The following SLC4A7 variants were observed in gnomAD, a reference collection of about 807,000 sequenced individuals.
SLC4A7 encodes sodium bicarbonate cotransporter 3.
A neutral mutation model predicts 137.6 loss-of-function variants in SLC4A7; 51 were observed. The observed-to-expected ratio is 0.37, with a 90% confidence interval of 0.30 to 0.47. The LOEUF (loss-of-function observed/expected upper bound fraction) is 0.47, where lower values mean the gene tolerates loss of function less well. SLC4A7 is among the 20% of genes least tolerant of loss of function. SLC4A7 has a pLI of 1.00. For missense variants in SLC4A7, 1,247 were observed against 1,525.4 expected (o/e 0.82, Z 3.04); for synonymous variants, 542 against 518.6 (o/e 1.05, Z -0.61).
chr3:27,445,659 T>C (rs1421599155), intron 3 of SLC4A7, among the ~76,000 whole-genome samples: 1 of 150,780 alleles, frequency 6.6e-6, no homozygotes, highest in Admixed American at 6.7e-5. Flanking sequence ...GGCTCACACC[T>C]GTAATCCCAG....
At chr3:27,402,845 G>A (rs1458499914) in intron 15 of SLC4A7, among the ~76,000 whole-genome samples, 1 of 145,970 alleles carries the variant, frequency 6.9e-6, no homozygotes, top group East Asian at 1.9e-4. Flanking sequence ...ATATATAGTG[G>A]ATCAGTTGCC....
intron 3 of SLC4A7, among the ~76,000 whole-genome samples, chr3:27,443,360 GT>G (rs1362558599): frequency 3.9e-5 from 6 of 152,038 alleles, no homozygotes; most frequent in African/African-American, 1.4e-4. Context: ...TCTGCGGGAT[GT>G]GTATCGAAAT....
At position 27,389,911 on chromosome 3, in the gene SLC4A7, T is replaced by C. The variant is rs1411220257; in HGVS notation, c.3360+20A>G. 6.3e-7 allele frequency: 1 copy of C among 1,590,718 alleles called. No homozygotes were observed. Among genetic ancestry groups the C allele is most frequent in the Non-Finnish European group, 8.6e-7 (1 of 1,161,768 alleles). ...AACATATTATTAATTAGTGACAAAA[T>C]AAGTCTGAAGAAATCTTACCATCAT... On this transcript the variant is annotated intron_variant, in intron 22 of 25. Transcript: ENST00000454389.
chr3:27,380,764 A>G (rs1443921628), intron 24 of SLC4A7, among the ~76,000 whole-genome samples: 2 of 152,226 alleles, frequency 1.3e-5, no homozygotes, highest in South Asian at 2.1e-4. Flanking sequence ...GATTTTTAAA[A>G]GTACACAAAA....
intron 3 of SLC4A7, among the ~76,000 whole-genome samples, chr3:27,438,603 C>T (rs367585095): frequency 7.1e-6 from 1 of 140,700 alleles, no homozygotes; most frequent in African/African-American, 2.6e-5. Context: ...AATAACATAA[C>T]ATAAAATAAA....
chr3:27,422,095 A>G (rs2055038538), intron 8 of SLC4A7, among the ~76,000 whole-genome samples: 2 of 152,224 alleles, frequency 1.3e-5, no homozygotes, highest in Non-Finnish European at 2.9e-5. Context: ...TTCACAAACT[A>G]ACAATGGTTC....
intron 1 of SLC4A7, among the ~76,000 whole-genome samples, chr3:27,472,165 A>G (rs2059274060): frequency 6.6e-6 from 1 of 152,234 alleles, no homozygotes; most frequent in South Asian, 2.1e-4. Context: ...GTCAATACTC[A>G]TTTATTGACC....
chr3:27,441,648 C>T (rs568432773), intron 3 of SLC4A7, among the ~76,000 whole-genome samples: 2 of 151,958 alleles, frequency 1.3e-5, no homozygotes, highest in African/African-American at 4.8e-5. Context: ...ATTGCCATAC[C>T]CAGGTAATTT....
chr3:27,415,759 C>T (rs1230790053), intron 11 of SLC4A7, among the ~76,000 whole-genome samples: 1 of 152,168 alleles, frequency 6.6e-6, no homozygotes, highest in Admixed American at 6.5e-5. Flanking sequence ...ACTGCTTTTT[C>T]TTGGTCGTAT....
intron 11 of SLC4A7, 66 bp from the exon 12 acceptor site, chr3:27,411,814 A>T (rs2053928284): frequency 1.6e-6 from 1 of 643,896 alleles, no homozygotes; most frequent in African/African-American, 1.9e-5. Flanking sequence ...GGCATCTTCA[A>T]TTAGAGTGAA....
At chr3:27,464,815 G>T (rs1265259723) in intron 1 of SLC4A7, among the ~76,000 whole-genome samples, 4 of 152,132 alleles carry the variant, frequency 2.6e-5, no homozygotes, top group Non-Finnish European at 5.9e-5. Flanking sequence ...GTGGAACCGC[G>T]AAAAGTTCGC....
At chr3:27,443,954 C>G (rs1472866507) in intron 3 of SLC4A7, among the ~76,000 whole-genome samples, 1 of 152,192 alleles carries the variant, frequency 6.6e-6, no homozygotes, top group African/African-American at 2.4e-5. Flanking sequence ...AACATACTTT[C>G]ACTTCTTTTA....
intron 22 of SLC4A7, among the ~76,000 whole-genome samples, chr3:27,389,424 C>T (rs1047281480): frequency 6.6e-6 from 1 of 151,934 alleles, no homozygotes; most frequent in Non-Finnish European, 1.5e-5. Context: ...TGGCCATGTA[C>T]AAAACCAATT....
rs1420494728 is a variant in SLC4A7, at chr3:27,429,395, G to A, written c.1150+1903C>T. 2.6e-5 allele frequency among the ~76,000 whole-genome samples: 4 copies of A among 152,064 alleles called. No homozygotes were observed. The East Asian group carries it at 5.8e-4, about 22-fold the overall frequency. On this transcript the variant is annotated intron_variant, in intron 7 of 25. Coordinates refer to ENST00000454389, the MANE Select transcript of SLC4A7 (RefSeq NM_001321103.2). ...TCCTGAAAATTTCAAGGTAAATTTG[G>A]ATTAAAGATAAATAACAGCATGAAA...
intron 1 of SLC4A7, among the ~76,000 whole-genome samples, chr3:27,470,641 T>TAAA (rs35093803): frequency 2.6e-5 from 3 of 115,722 alleles, no homozygotes; most frequent in Non-Finnish European, 3.7e-5. Flanking sequence ...GCTCCAACTT[T>TAAA]AAAAAAAAAA....
intron 1 of SLC4A7, among the ~76,000 whole-genome samples, chr3:27,452,998 CA>C (rs2058178486): frequency 6.6e-6 from 1 of 152,164 alleles, no homozygotes; most frequent in African/African-American, 2.4e-5. Context: ...CAAGAGCTAA[CA>C]AAAGTTAAAA....
At chr3:27,469,212 C>T (rs1300735671) in intron 1 of SLC4A7, among the ~76,000 whole-genome samples, 1 of 152,214 alleles carries the variant, frequency 6.6e-6, no homozygotes, top group African/African-American at 2.4e-5. Context: ...TAGAAGATGA[C>T]TTCTATGACC....
intron 24 of SLC4A7, among the ~76,000 whole-genome samples, 160 bp from the exon 25 acceptor site, chr3:27,379,516 C>CTT (rs2050208125): frequency 1.3e-5 from 2 of 152,132 alleles, no homozygotes; most frequent in African/African-American, 4.8e-5. Flanking sequence ...TTACGTCTTT[C>CTT]TTTCTAATCG....
intron 24 of SLC4A7, among the ~76,000 whole-genome samples, chr3:27,380,313 TTA>T (rs1491298889): frequency 2.9e-3 from 85 of 29,024 alleles, no homozygotes; most frequent in Middle Eastern, 0.012. Context: ...TCTCCAGAAT[TTA>T]AAAAAAAAAA....
Sources: allele counts gnomAD v4.1 joint callset (sites outside exome capture counted in the v4.1 genomes callset), GRCh38; gene constraint gnomAD v4.1.1; transcripts MANE v1.5; gene names NCBI Gene and HGNC (gene_info 2026-07-23, HGNC 2026-07-21).